Variants in COLEC12 observed in about 807,000 individuals in gnomAD.
The protein encoded by COLEC12 is collectin-12.
Under a neutral mutation model 71.1 loss-of-function variants are expected in COLEC12, and 33 were observed. The ratio of observed to expected loss-of-function variants is 0.46; its 90% confidence interval spans 0.35 to 0.62. The LOEUF (loss-of-function observed/expected upper bound fraction) is 0.62. Among genes scored for constraint, COLEC12 ranks in the 20% least tolerant of loss-of-function variants. The pLI is 0.00. For missense variants in COLEC12, 765 were observed against 916.1 expected (o/e 0.84, Z 2.13); for synonymous variants, 350 against 353.0 (o/e 0.99, Z 0.10).
chr18:485,353 C>A (rs1047555255), intron 1 of COLEC12, among the ~76,000 whole-genome samples: 1 of 152,168 alleles, frequency 6.6e-6, no homozygotes, highest in African/African-American at 2.4e-5. Context: ...AGATTTAAGA[C>A]CTCTAAGTCC....
intron 1 of COLEC12, among the ~76,000 whole-genome samples, chr18:491,333 T>C (rs12605688): frequency 0.089 from 13,599 of 152,276 alleles, 853 homozygotes; most frequent in East Asian, 0.26. Context: ...CAGAGGCTGA[T>C]AGAATTAATG....
At chr18:467,805 G>C (rs1364663301) in intron 2 of COLEC12, among the ~76,000 whole-genome samples, 5 of 150,484 alleles carry the variant, frequency 3.3e-5, no homozygotes, top group Non-Finnish European at 7.4e-5. Context: ...AAAACCAACA[G>C]TCTTGAGATT....
intron 5 of COLEC12, among the ~76,000 whole-genome samples, chr18:340,068 T>C (rs1420156385): frequency 1.6e-5 from 1 of 64,360 alleles, no homozygotes; most frequent in African/African-American, 5.9e-5. Flanking sequence ...CCTTAGTGCC[T>C]GAAAGCAAAA....
chr18:476,487 C>A (rs561796500), intron 2 of COLEC12, among the ~76,000 whole-genome samples: 1 of 152,328 alleles, frequency 6.6e-6, no homozygotes, highest in African/African-American at 2.4e-5. Context: ...TCTCCATCAT[C>A]CTAACTTTGG....
chr18:371,636 G>A (rs1915001972), intron 2 of COLEC12, among the ~76,000 whole-genome samples: 2 of 152,132 alleles, frequency 1.3e-5, no homozygotes, highest in South Asian at 4.1e-4. Flanking sequence ...TGATTATCTA[G>A]ACAGAACAGG....
intron 2 of COLEC12, among the ~76,000 whole-genome samples, chr18:441,239 C>T (rs917083808): frequency 1.3e-5 from 2 of 151,650 alleles, no homozygotes; most frequent in Non-Finnish European, 2.9e-5. Flanking sequence ...CAGAGCGAGA[C>T]TCTGTCTCAA....
rs1913569890 is a variant in COLEC12 at position 317,267 on chromosome 18, G to C, written c.*2778C>G. The C allele has an allele frequency of 6.6e-6, 1 of 152,108 alleles. No homozygotes were observed. The highest frequency in any genetic ancestry group is 2.4e-5 in the African/African-American group (1 of 41,418). The allele number at this position is 152,108 out of a possible 1,614,324, so 9.4% of individuals were successfully genotyped here. A position where few individuals can be genotyped will look rare whatever the true frequency, so the allele number is the denominator to read the frequency against. ...AAAAAAGAAACCTGGTATGTAAGTA[G>C]CTAAATATAGAGACGTATAGGAGGC... On this transcript the variant is annotated 3_prime_UTR_variant, in exon 10 of 10. Transcript: ENST00000400256.
intron 5 of COLEC12, among the ~76,000 whole-genome samples, chr18:336,834 C>G (rs1384444776): frequency 6.6e-6 from 1 of 152,024 alleles, no homozygotes; most frequent in African/African-American, 2.4e-5. Context: ...CTTAATCTCT[C>G]TCTCTCTTTT....
intron 3 of COLEC12, among the ~76,000 whole-genome samples, chr18:349,562 G>T (rs1444017234): frequency 6.6e-6 from 1 of 152,164 alleles, no homozygotes; most frequent in East Asian, 1.9e-4. Context: ...GTGAGAAGAG[G>T]GCCACCGTCC....
chr18:368,882 A>C (rs937228100), intron 2 of COLEC12, among the ~76,000 whole-genome samples: 16 of 152,294 alleles, frequency 1.1e-4, no homozygotes, highest in South Asian at 4.1e-4. Context: ...AAAACAAAAC[A>C]AAACACAAAA....
intron 7 of COLEC12, among the ~76,000 whole-genome samples, chr18:332,547 G>A (rs1914008473): frequency 6.6e-6 from 1 of 152,134 alleles, no homozygotes; most frequent in African/African-American, 2.4e-5. Flanking sequence ...CTCTCACGGT[G>A]CCTGGCATAT....
At position 345,689 on chromosome 18, in the gene COLEC12, T is replaced by C. The variant is rs150599444; in HGVS notation, c.1327+606A>G. ...TCAGAGGAGCTTGATTTATATTGCA[T>C]TGAAATAGCTCAAGGACCAAGAAAA... On this transcript the variant is annotated intron_variant, in intron 5 of 9. Transcript: ENST00000400256. 3.4e-3 allele frequency among the ~76,000 whole-genome samples: 522 copies of C among 152,346 alleles called. 3 individuals are homozygous for C. The highest frequency in any genetic ancestry group is 0.012 in the African/African-American group (498 of 41,576).
intron 1 of COLEC12, among the ~76,000 whole-genome samples, chr18:494,515 G>A (rs547467437): frequency 6.6e-6 from 1 of 152,190 alleles, no homozygotes; most frequent in South Asian, 2.1e-4. Flanking sequence ...AGGGGGTTAA[G>A]TGACTTGCCT....
At chr18:464,912 G>C (rs1250609069) in intron 2 of COLEC12, among the ~76,000 whole-genome samples, 1 of 152,194 alleles carries the variant, frequency 6.6e-6, no homozygotes, top group East Asian at 1.9e-4. Context: ...TCAGCACCAA[G>C]GCTGGGGGTG....
intron 5 of COLEC12, among the ~76,000 whole-genome samples, chr18:340,085 A>C (rs1026842374): frequency 7.9e-5 from 12 of 151,242 alleles, no homozygotes; most frequent in Non-Finnish European, 1.5e-4. Flanking sequence ...AAAAAAAAAA[A>C]AAAAAACAAA....
intron 1 of COLEC12, among the ~76,000 whole-genome samples, chr18:485,728 T>C (rs896688707): frequency 4.6e-5 from 7 of 152,252 alleles, no homozygotes; most frequent in Non-Finnish European, 1.0e-4. Context: ...TTTGGTTCTG[T>C]TGGCTTAGAG....
chr18:370,515 A>C (rs954777749), intron 2 of COLEC12, among the ~76,000 whole-genome samples: 1 of 152,182 alleles, frequency 6.6e-6, no homozygotes, highest in African/African-American at 2.4e-5. Flanking sequence ...TACCAGAATC[A>C]CCCACTAGGG....
chr18:382,807 G>C (rs950622523), intron 2 of COLEC12, among the ~76,000 whole-genome samples: 2 of 152,124 alleles, frequency 1.3e-5, no homozygotes, highest in African/African-American at 2.4e-5. Flanking sequence ...TTTAAATTTT[G>C]TTTTAAGTGA....
chr18:450,431 T>A (rs1358925023), intron 2 of COLEC12, among the ~76,000 whole-genome samples: 1 of 152,178 alleles, frequency 6.6e-6, no homozygotes, highest in Non-Finnish European at 1.5e-5. Context: ...TCTGGTGGTT[T>A]ACAAGTGTGT....
Sources: gnomAD v4.1 joint callset for allele counts (sites outside exome capture counted in the v4.1 genomes callset) on GRCh38, gnomAD v4.1.1 for gene constraint, MANE v1.5 for transcripts, NCBI Gene and HGNC (gene_info 2026-07-23, HGNC 2026-07-21) for gene names.